Variants in SRFBP1 observed in about 807,000 individuals in gnomAD.
SRFBP1 encodes serum response factor-binding protein 1.
In SRFBP1, 47 loss-of-function variants were observed where a neutral mutation model predicts 45.5. The observed-to-expected ratio is 1.03, with a 90% CI of 0.82 to 1.32. The LOEUF is 1.32. Among genes scored for constraint, SRFBP1 ranks in the 40% most tolerant of loss-of-function variants. The pLI is 0.00. For missense variants in SRFBP1, 621 were observed against 484.6 expected, an observed-to-expected ratio of 1.28 and a Z score of -2.64; for synonymous variants, 203 against 166.3, an observed-to-expected ratio of 1.22 and a Z score of -1.70.
chr5:122,011,379 A>G (rs1269238661), intron 4 of SRFBP1, among the ~76,000 whole-genome samples: 4 of 152,158 alleles, frequency 2.6e-5, no homozygotes, highest in African/African-American at 7.2e-5. Context: ...AGAATTTTCC[A>G]TGGCAAACAT....
At chr5:122,054,557 T>C (rs1400392170) in intron 2 of SRFBP1, among the ~76,000 whole-genome samples, 2 of 152,196 alleles carry the variant, frequency 1.3e-5, no homozygotes, top group African/African-American at 2.4e-5. Flanking sequence ...TGTAACTGTG[T>C]TTCAATGAAC....
In SRFBP1 at chr5:122,016,997, G is replaced by A. The variant is rs549761249; in HGVS notation, c.271-2263G>A. 5.3e-5 allele frequency among the ~76,000 whole-genome samples: 8 copies of A among 152,184 alleles called. No individual in the cohort carries two copies. The East Asian group carries it at 7.8e-4, about 15-fold the overall frequency. On this transcript the variant is annotated intron_variant, in intron 4 of 7. Coordinates refer to ENST00000339397, the MANE Select transcript of SRFBP1 (RefSeq NM_152546.3). ...TGTAATCCCAGCACTTTGGGAGGCC[G>A]AGGCAGGTGGATCACAAGGTCAGGA...
Position 122,013,942 on chromosome 5 carries a change from G to A in SRFBP1, c.271-5318G>A, listed in dbSNP as rs1291069610. 2.6e-5 allele frequency among the ~76,000 whole-genome samples: 4 copies of A among 152,120 alleles called. No individual in the cohort carries two copies. The East Asian group carries it at 7.7e-4, about 29-fold the overall frequency. On this transcript the variant is annotated intron_variant, in intron 4 of 7. Coordinates refer to ENST00000339397, the MANE Select transcript of SRFBP1 (RefSeq NM_152546.3). ...ATCGGTCAACAGATAGAAAGTTACA[G>A]TTAGAAAGAAGGACCAAGTTCTGGT...
Position 121,975,306 on chromosome 5 carries a change from T to A in SRFBP1, c.126-9T>A, listed in dbSNP as rs1165181845. 2 of 1,612,774 alleles carry A rather than the reference T, an allele frequency of 1.2e-6. No homozygotes were observed. The highest frequency in any genetic ancestry group is 1.7e-6 in the Non-Finnish European group (2 of 1,179,058). On this transcript the variant is annotated splice_polypyrimidine_tract_variant and intron_variant, in intron 2 of 7. Coordinates refer to ENST00000339397, the MANE Select transcript of SRFBP1 (RefSeq NM_152546.3). ...TGCCTGGCTACATATCGTAATGTAT[T>A]TTTTGCAGGGGTACTGAAGATGCAC...
At chr5:121,994,474 G>T in intron 3 of SRFBP1, 125 bp from the exon 4 acceptor site, 2 of 657,018 alleles carry the variant, frequency 3.0e-6, no homozygotes, top group Admixed American at 3.2e-5. Context: ...TTTTATGGGA[G>T]TTAATTCTTT....
intron 2 of SRFBP1, among the ~76,000 whole-genome samples, chr5:122,057,324 G>A (rs998227709): frequency 1.3e-5 from 2 of 152,134 alleles, no homozygotes; most frequent in East Asian, 1.9e-4. Context: ...AAACTATCTC[G>A]AATTACTATC....
chr5:121,998,060 T>TTGGTGGGACTGTAAACTTAGTTCAAC (rs1752770373), intron 4 of SRFBP1, among the ~76,000 whole-genome samples: 1 of 152,108 alleles, frequency 6.6e-6, no homozygotes, highest in Non-Finnish European at 1.5e-5. Flanking sequence ...ACTTACACTG[T>TTGGTGGGACTGTAAACTTAGTTCAAC]TGGTGGGACT....
At chr5:122,073,582 G>A (rs996750078) in intron 2 of SRFBP1, among the ~76,000 whole-genome samples, 28 of 152,132 alleles carry the variant, frequency 1.8e-4, no homozygotes, top group African/African-American at 6.5e-4. Flanking sequence ...TTACTAAGCC[G>A]GTTAAGGAAT....
At chr5:122,004,095 A>G (rs1369826421) in intron 4 of SRFBP1, among the ~76,000 whole-genome samples, 4 of 152,040 alleles carry the variant, frequency 2.6e-5, no homozygotes, top group Non-Finnish European at 4.4e-5. Flanking sequence ...CTGGTGTGCA[A>G]GTTCTGGTGT....
At chr5:122,009,583 A>G (rs1753047411) in intron 4 of SRFBP1, among the ~76,000 whole-genome samples, 1 of 152,220 alleles carries the variant, frequency 6.6e-6, no homozygotes, top group Admixed American at 6.5e-5. Context: ...GATGAGTAGA[A>G]GGATAGATTC....
At chr5:121,972,625 T>C (rs1752223051) in intron 1 of SRFBP1, among the ~76,000 whole-genome samples, 2 of 151,886 alleles carry the variant, frequency 1.3e-5, no homozygotes. Context: ...AATTGGCAGA[T>C]GTTATCATGT....
chr5:122,024,252 C>A (rs1753421913), intron 7 of SRFBP1, among the ~76,000 whole-genome samples: 1 of 152,198 alleles, frequency 6.6e-6, no homozygotes, highest in Non-Finnish European at 1.5e-5. Context: ...TTATCACTGA[C>A]AACAGTTTTA....
intron 7 of SRFBP1, among the ~76,000 whole-genome samples, chr5:122,026,556 A>G (rs2112715612): frequency 6.6e-6 from 1 of 152,328 alleles, no homozygotes; most frequent in Middle Eastern, 3.4e-3. Context: ...TTCTGGCTAC[A>G]TCTGCTTCAT....
intron 3 of SRFBP1, among the ~76,000 whole-genome samples, 193 bp from the exon 4 acceptor site, chr5:121,994,406 A>G (rs985866306): frequency 1.3e-5 from 2 of 151,970 alleles, no homozygotes; most frequent in African/African-American, 4.8e-5. Flanking sequence ...TTTAATAGGC[A>G]CATTACACTA....
chr5:122,022,416 T>A lies in SRFBP1; in HGVS notation c.1105+9T>A. On this transcript the variant is annotated intron_variant, in intron 7 of 7. Transcript: ENST00000339397. ...AAAAACAAGATCCCTAGGTATGTAT[T>A]CATAGTTGCCTGACCTTCATATGCA... The A allele has an allele frequency of 6.2e-7, 1 of 1,607,764 alleles. No homozygotes were observed. The highest frequency in any genetic ancestry group is 8.5e-7 in the Non-Finnish European group (1 of 1,177,810).
At chr5:122,016,160 A>G (rs1753190513) in intron 4 of SRFBP1, among the ~76,000 whole-genome samples, 1 of 152,302 alleles carries the variant, frequency 6.6e-6, no homozygotes, top group South Asian at 2.1e-4. Flanking sequence ...TGTCCTCTCC[A>G]GATATTCAGC....
chr5:122,077,443 G>A, downstream of SRFBP1: 1 of 1,614,098 alleles, frequency 6.2e-7, no homozygotes, highest in South Asian at 1.1e-5. This position sits in a 1 kb window ranked among gnomAD's most constrained non-coding sequence, Gnocchi z 4.9. Context: ...TGTAATAAGG[G>A]TTGTCGTCAG....
chr5:122,021,479 T>C (rs1334624311), intron 6 of SRFBP1, among the ~76,000 whole-genome samples: 1 of 152,180 alleles, frequency 6.6e-6, no homozygotes. Context: ...GGATAGTCTT[T>C]AATGAAATAG....
At chr5:122,032,156 C>T (rs1402340475), downstream of SRFBP1, among the ~76,000 whole-genome samples, 1 of 151,972 alleles carries the variant, frequency 6.6e-6, no homozygotes, top group Non-Finnish European at 1.5e-5. Context: ...TATAAAGTTC[C>T]CTGGGTGAAT....
Sources: allele counts gnomAD v4.1 joint callset (sites outside exome capture counted in the v4.1 genomes callset), GRCh38; gene constraint gnomAD v4.1.1; non-coding constraint Gnocchi (gnomAD v3.1); transcripts MANE v1.5; gene names NCBI Gene and HGNC (gene_info 2026-07-23, HGNC 2026-07-21).